The following NBPF9 variants were observed in gnomAD, a reference collection of about 807,000 sequenced individuals.
NBPF9 encodes NBPF family member NBPF9.
In NBPF9, 91 loss-of-function variants were observed where a neutral mutation model predicts 97.8. That is an observed-to-expected ratio of 0.93 (90% CI 0.79 to 1.11). NBPF9 has a LOEUF of 1.11. NBPF9 is among the 50% of genes least tolerant of loss of function. The pLI is 0.00. For synonymous variants in NBPF9, 334 were observed against 359.5 expected, an observed-to-expected ratio of 0.93 and a Z score of 0.80; for missense variants, 992 against 939.5, an observed-to-expected ratio of 1.06 and a Z score of -0.73.
chr1:149,056,046 T>A, intron 29 of NBPF9, 147 bp from the exon 30 acceptor site: 1 of 1,528,050 alleles, frequency 6.5e-7, no homozygotes. Flanking sequence ...TTTATTGCCT[T>A]TATGTTGGGA....
chr1:149,084,081 T>A (rs2080763391), intron 5 of NBPF9, among the ~76,000 whole-genome samples: 1 of 151,222 alleles, frequency 6.6e-6, no homozygotes, highest in South Asian at 2.1e-4. Flanking sequence ...ATGTTCTCAC[T>A]CATGGGTGGG....
At chr1:149,074,570 G>T (rs1468155947) in intron 12 of NBPF9, among the ~76,000 whole-genome samples, 1 of 151,354 alleles carries the variant, frequency 6.6e-6, no homozygotes. Flanking sequence ...ACAGAGGTAG[G>T]TATTATTGTA....
At chr1:149,056,131 G>C (rs587697563) in intron 29 of NBPF9, among the ~76,000 whole-genome samples, 162 of 135,006 alleles carry the variant, frequency 1.2e-3, no homozygotes, top group African/African-American at 3.9e-3. Flanking sequence ...CAGAGAGAAA[G>C]TGAGCTAGTG....
At chr1:149,072,250 T>C (rs1484146829) in intron 14 of NBPF9, among the ~76,000 whole-genome samples, 1 of 151,848 alleles carries the variant, frequency 6.6e-6, no homozygotes, top group Non-Finnish European at 1.5e-5. Flanking sequence ...TGGAAAGCAG[T>C]TGTAAGTGTT....
intron 5 of NBPF9, among the ~76,000 whole-genome samples, chr1:149,085,172 C>A (rs587615666): frequency 1.3e-5 from 2 of 152,054 alleles, no homozygotes; most frequent in Non-Finnish European, 2.9e-5. Flanking sequence ...TGGACAGACA[C>A]CTTCCCCCAC....
intron 14 of NBPF9, among the ~76,000 whole-genome samples, chr1:149,072,470 G>A (rs187103165): frequency 1.3e-5 from 2 of 152,092 alleles, no homozygotes; most frequent in African/African-American, 2.4e-5. Flanking sequence ...TTTAAAACTA[G>A]ATAGATGCTG....
intron 29 of NBPF9, 24 bp from the exon 30 acceptor site, chr1:149,055,923 G>A (rs1174725385): frequency 3.7e-6 from 6 of 1,611,646 alleles, no homozygotes; most frequent in South Asian, 2.2e-5. Flanking sequence ...CAAAACTAAA[G>A]AAGCAGCCAG....
chr1:149,090,655 T>C, intron 5 of NBPF9, 98 bp downstream of exon 5: 3 of 585,132 alleles, frequency 5.1e-6, no homozygotes, highest in Non-Finnish European at 3.0e-6. Context: ...CAGCTAAGCA[T>C]ATGGGCTAGA....
chr1:149,063,764 A>G (rs1553650825), exon 20 of NBPF9: 1 of 611,016 alleles, frequency 1.6e-6, no homozygotes, highest in East Asian at 2.9e-5. Flanking sequence ...TGAGTCCTGC[A>G]AGACTTCAGG....
At chr1:149,072,970 G>T (rs782644085) in intron 13 of NBPF9, 38 bp from the exon 14 acceptor site, 3 of 1,595,338 alleles carry the variant, frequency 1.9e-6, no homozygotes, top group South Asian at 2.2e-5. Flanking sequence ...AGAGTGGAAA[G>T]GGTTGAGTGA....
At chr1:149,083,214 T>C (rs2080680538) in intron 5 of NBPF9, among the ~76,000 whole-genome samples, 1 of 138,988 alleles carries the variant, frequency 7.2e-6, no homozygotes, top group Admixed American at 7.4e-5. Context: ...ATTGTATGAT[T>C]ATCACACAAT....
chr1:149,061,440 C>T, intron 22 of NBPF9, 57 bp from the exon 23 acceptor site: 1 of 395,544 alleles, frequency 2.5e-6, no homozygotes, highest in East Asian at 4.6e-5. Context: ...ACACCCATAA[C>T]AGTCCACTGT....
chr1:149,055,398 G>C, exon 30 of NBPF9: 1 of 664,754 alleles, frequency 1.5e-6, no homozygotes, highest in Non-Finnish European at 2.5e-6. Flanking sequence ...GAGATACGTG[G>C]TTCAAATTAA....
At chr1:149,082,860 A>T (rs1392314036) in intron 5 of NBPF9, among the ~76,000 whole-genome samples, 2 of 148,914 alleles carry the variant, frequency 1.3e-5, no homozygotes, top group East Asian at 3.9e-4. Flanking sequence ...GCTCACTGCA[A>T]GCTCTGCCTC....
At chr1:149,076,799 C>T (rs1320125490) in intron 11 of NBPF9, among the ~76,000 whole-genome samples, 8 of 151,492 alleles carry the variant, frequency 5.3e-5, no homozygotes, top group Non-Finnish European at 7.4e-5. Flanking sequence ...TGACCCACTG[C>T]GCCCAGCCGA....
intron 3 of NBPF9, among the ~76,000 whole-genome samples, chr1:149,099,416 C>A (rs2081999888): frequency 6.6e-6 from 1 of 152,144 alleles, no homozygotes; most frequent in Non-Finnish European, 1.5e-5. Flanking sequence ...AACTGTGACA[C>A]TTGGAGATTG....
chr1:149,063,486 C>G, intron 20 of NBPF9, 147 bp downstream of exon 20: 2 of 628,114 alleles, frequency 3.2e-6, no homozygotes, highest in South Asian at 1.9e-5. Context: ...CCAAGTGGAA[C>G]TAGAGTTTCA....
downstream of NBPF9, among the ~76,000 whole-genome samples, chr1:149,053,825 A>C (rs1391918762): frequency 6.8e-4 from 100 of 147,820 alleles, no homozygotes; most frequent in Non-Finnish European, 1.4e-3. Context: ...ACCATCAAAA[A>C]CATTTTTAGT....
At chr1:149,078,929 G>A in intron 9 of NBPF9, 78 bp downstream of exon 9, 7 of 1,555,666 alleles carry the variant, frequency 4.5e-6, no homozygotes, top group Non-Finnish European at 6.2e-6. Context: ...TGATACAACT[G>A]TCATTGTGAA....
Sources: gnomAD v4.1 joint callset for allele counts (sites outside exome capture counted in the v4.1 genomes callset) on GRCh38, gnomAD v4.1.1 for gene constraint, MANE v1.5 for transcripts, NCBI Gene and HGNC (gene_info 2026-07-23, HGNC 2026-07-21) for gene names.